CEP128: variants seen among roughly 807,000 people sequenced by gnomAD.
The protein encoded by CEP128 is centrosomal protein 128kDa.
In CEP128, 132 loss-of-function variants were observed where a neutral mutation model predicts 156.7. That is an observed-to-expected ratio of 0.84 (90% confidence interval 0.73 to 0.97). The LOEUF (loss-of-function observed/expected upper bound fraction) is 0.97, where lower values mean the gene tolerates loss of function less well. Among genes scored for constraint, CEP128 ranks in the 50% least tolerant of loss-of-function variants. The probability of loss-of-function intolerance (pLI) is 0.00; values close to 1 mark genes in which losing one functional copy is unlikely to be tolerated. For synonymous variants in CEP128, 469 were observed against 448.9 expected (o/e 1.04, Z -0.57); for missense variants, 1,252 against 1,281.9 (o/e 0.98, Z 0.36).
chr14:80,655,080 C>T (rs1208501216), intron 19 of CEP128, among the ~76,000 whole-genome samples: 2 of 152,200 alleles, frequency 1.3e-5, no homozygotes, highest in Admixed American at 6.6e-5. Flanking sequence ...CGTTGGCTCA[C>T]ATCCAATCCC....
intron 2 of CEP128, among the ~76,000 whole-genome samples, chr14:80,926,231 C>T (rs1220934033): frequency 6.6e-6 from 1 of 152,166 alleles, no homozygotes; most frequent in Admixed American, 6.5e-5. Context: ...GACCTAAAAG[C>T]TGGTTTCTGT....
At chr14:80,549,302 C>A (rs1404947616) in intron 21 of CEP128, among the ~76,000 whole-genome samples, 3 of 152,158 alleles carry the variant, frequency 2.0e-5, no homozygotes, top group African/African-American at 7.2e-5. Flanking sequence ...TTTCCGGTTT[C>A]AGTTTGAATG....
chr14:80,889,599 T>G (rs1888983940), intron 8 of CEP128, among the ~76,000 whole-genome samples: 1 of 152,178 alleles, frequency 6.6e-6, no homozygotes, highest in Non-Finnish European at 1.5e-5. Context: ...ACTGAACCCC[T>G]TCCTTACACC....
chr14:80,719,399 C>T (rs1254784188), intron 19 of CEP128, among the ~76,000 whole-genome samples: 1 of 152,190 alleles, frequency 6.6e-6, no homozygotes, highest in African/African-American at 2.4e-5. Flanking sequence ...AGAATTATTT[C>T]CCAGGGTATG....
At chr14:80,578,239 C>T (rs1891439636) in intron 20 of CEP128, among the ~76,000 whole-genome samples, 1 of 152,044 alleles carries the variant, frequency 6.6e-6, no homozygotes. Flanking sequence ...ATCCCTAGCA[C>T]CTAGTACAGT....
At chr14:80,487,370 A>G (rs1887190103), downstream of CEP128, among the ~76,000 whole-genome samples, 1 of 152,246 alleles carries the variant, frequency 6.6e-6, no homozygotes, top group African/African-American at 2.4e-5. Flanking sequence ...ACCCAGATTC[A>G]TAAAGCAAGT....
intron 23 of CEP128, among the ~76,000 whole-genome samples, chr14:80,519,854 A>G (rs1266240853): frequency 6.6e-6 from 1 of 152,282 alleles, no homozygotes; most frequent in East Asian, 1.9e-4. Flanking sequence ...AACTCAATAA[A>G]TGGTCATATG....
At chr14:80,737,296 CG>C (rs1898584019) in intron 19 of CEP128, among the ~76,000 whole-genome samples, 1 of 151,714 alleles carries the variant, frequency 6.6e-6, no homozygotes, top group Non-Finnish European at 1.5e-5. Flanking sequence ...CCCAGCTACT[CG>C]GGAGGCTGAG....
At chr14:80,856,931 A>G (rs1173543445) in intron 9 of CEP128, among the ~76,000 whole-genome samples, 2 of 150,626 alleles carry the variant, frequency 1.3e-5, no homozygotes, top group Admixed American at 6.6e-5. Flanking sequence ...TATTTTTAGT[A>G]GAGACGGGGT....
At chr14:80,704,471 AT>A (rs1897172650) in intron 19 of CEP128, among the ~76,000 whole-genome samples, 5 of 116,924 alleles carry the variant, frequency 4.3e-5, no homozygotes, top group African/African-American at 1.4e-4. Flanking sequence ...ATATAAACAT[AT>A]GTGTGTAGAA....
At chr14:80,921,382 A>G (rs1162084262) in intron 2 of CEP128, among the ~76,000 whole-genome samples, 2 of 152,122 alleles carry the variant, frequency 1.3e-5, no homozygotes, top group African/African-American at 4.8e-5. Context: ...TGGCCCCCTC[A>G]CCAGGTGATA....
chr14:80,633,635 A>G (rs1290626704), intron 19 of CEP128, among the ~76,000 whole-genome samples: 1 of 152,212 alleles, frequency 6.6e-6, no homozygotes, highest in African/African-American at 2.4e-5. Context: ...CACACCTAGG[A>G]CAAGCAAGAC....
At chr14:80,647,721 G>C (rs1214361062) in intron 19 of CEP128, among the ~76,000 whole-genome samples, 1 of 152,050 alleles carries the variant, frequency 6.6e-6, no homozygotes, top group Non-Finnish European at 1.5e-5. Context: ...CCTACAACGT[G>C]CAGTATAGCC....
At chr14:80,607,412 G>A (rs899829431) in intron 19 of CEP128, among the ~76,000 whole-genome samples, 1 of 152,098 alleles carries the variant, frequency 6.6e-6, no homozygotes, top group African/African-American at 2.4e-5. Context: ...TGAATTCCAA[G>A]AGAAAGACCC....
At chr14:80,569,622 T>G (rs1169845480) in intron 20 of CEP128, among the ~76,000 whole-genome samples, 1 of 152,192 alleles carries the variant, frequency 6.6e-6, no homozygotes, top group Non-Finnish European at 1.5e-5. Flanking sequence ...ATTTATTCTT[T>G]GAGGAAAAAT....
At chr14:80,556,732 T>C (rs923042149) in intron 21 of CEP128, among the ~76,000 whole-genome samples, 1 of 152,204 alleles carries the variant, frequency 6.6e-6, no homozygotes, top group East Asian at 1.9e-4. Context: ...CCATGATATA[T>C]GCTCTACATG....
At chr14:80,939,820 G>C (rs1194023654) in intron 1 of CEP128, among the ~76,000 whole-genome samples, 1 of 152,102 alleles carries the variant, frequency 6.6e-6, no homozygotes, top group Non-Finnish European at 1.5e-5. Context: ...CCCAAGTCTA[G>C]CCAAAAAGTA....
intron 19 of CEP128, among the ~76,000 whole-genome samples, chr14:80,735,401 A>G (rs1377995855): frequency 2.0e-5 from 3 of 152,170 alleles, no homozygotes; most frequent in African/African-American, 7.2e-5. Flanking sequence ...CACGTTTCGC[A>G]CATTTCCAGA....
chr14:80,873,620 C>CA (rs1888135733), intron 8 of CEP128, among the ~76,000 whole-genome samples: 1 of 152,052 alleles, frequency 6.6e-6, no homozygotes, highest in South Asian at 2.1e-4. Context: ...TTACAGGGAC[C>CA]TCAGTAGAAT....
Sources: allele counts gnomAD v4.1 joint callset (sites outside exome capture counted in the v4.1 genomes callset), GRCh38; gene constraint gnomAD v4.1.1; transcripts MANE v1.5; gene names NCBI Gene and HGNC (gene_info 2026-07-23, HGNC 2026-07-21).